The following MUCL1 variants were observed in gnomAD, a reference collection of about 807,000 sequenced individuals.
MUCL1 encodes the protein mucin like 1.
MUCL1 carries 11 observed loss-of-function variants against 9.2 expected under a neutral mutation model. The observed-to-expected ratio is 1.19, with a 90% confidence interval of 0.75 to 1.97. MUCL1 has a LOEUF of 1.97. Among genes scored for constraint, MUCL1 ranks in the 30% most tolerant of loss-of-function variants. MUCL1 has a pLI of 0.00. For synonymous variants in MUCL1, 48 were observed against 40.5 expected, an observed-to-expected ratio of 1.19 and a Z score of -0.71; for missense variants, 144 against 110.9, an observed-to-expected ratio of 1.30 and a Z score of -1.34.
At chr12:54,836,814 T>A (rs1170674658), upstream of MUCL1, among the ~76,000 whole-genome samples, 1 of 152,198 alleles carries the variant, frequency 6.6e-6, no homozygotes, top group African/African-American at 2.4e-5. Context: ...AATTTTTGAA[T>A]TTTCATCTTG....
chr12:54,855,029 T>C, intron 1 of MUCL1, 87 bp from the exon 2 acceptor site: 1 of 1,123,372 alleles, frequency 8.9e-7, no homozygotes, highest in Non-Finnish European at 1.3e-6. Flanking sequence ...CATTGTAAAG[T>C]CTGGAATATT....
At chr12:54,839,004 T>C (rs1363048788), upstream of MUCL1, among the ~76,000 whole-genome samples, 3 of 152,192 alleles carry the variant, frequency 2.0e-5, no homozygotes, top group African/African-American at 7.2e-5. Context: ...CACTGTTTTG[T>C]CATATTGCCA....
At chr12:54,838,019 T>C (rs560675520), upstream of MUCL1, among the ~76,000 whole-genome samples, 70 of 152,364 alleles carry the variant, frequency 4.6e-4, no homozygotes, top group East Asian at 5.8e-4. Flanking sequence ...ATTATTGTTT[T>C]ATAGGCTCTG....
At chr12:54,843,891 T>C (rs541815343) in intron 1 of MUCL1, among the ~76,000 whole-genome samples, 17 of 152,326 alleles carry the variant, frequency 1.1e-4, no homozygotes, top group Non-Finnish European at 1.9e-4. Context: ...GGTAATTTGT[T>C]ATGCAGAAAT....
chr12:54,852,848 T>G (rs1868265606), upstream of MUCL1, among the ~76,000 whole-genome samples: 1 of 152,040 alleles, frequency 6.6e-6, no homozygotes, highest in Admixed American at 6.5e-5. Context: ...CTTCTTTATC[T>G]CTTTTAAATA....
upstream of MUCL1, among the ~76,000 whole-genome samples, chr12:54,838,840 A>C (rs7958024): frequency 0.52 from 79,186 of 151,408 alleles, 21,117 homozygotes; most frequent in East Asian, 0.86. Context: ...TTGTTTTTTA[A>C]ATTTCTTTAT....
At chr12:54,857,483 C>T (rs180750270) in intron 3 of MUCL1, among the ~76,000 whole-genome samples, 9 of 152,114 alleles carry the variant, frequency 5.9e-5, no homozygotes, top group East Asian at 5.8e-4. Context: ...TTTTTCTTGA[C>T]CTTTAACTTT....
upstream of MUCL1, among the ~76,000 whole-genome samples, chr12:54,836,441 T>C (rs1640365451): frequency 6.6e-6 from 1 of 152,190 alleles, no homozygotes; most frequent in African/African-American, 2.4e-5. Context: ...TTGTAATGTC[T>C]CAATTTTCAT....
chr12:54,850,520 T>A (rs1049841126), upstream of MUCL1, among the ~76,000 whole-genome samples: 3 of 152,154 alleles, frequency 2.0e-5, no homozygotes, highest in Non-Finnish European at 2.9e-5. Context: ...TAGTATTCCA[T>A]GGTGTATATG....
intron 1 of MUCL1, among the ~76,000 whole-genome samples, chr12:54,842,638 C>A (rs1361712296): frequency 6.6e-6 from 1 of 152,144 alleles, no homozygotes; most frequent in East Asian, 1.9e-4. Context: ...TCCTGTCTAA[C>A]TGAAACTTTG....
rs1326754904 is a variant in MUCL1, at chr12:54,854,621, C to T, written c.39C>T (p.Ser13=). The T allele has an allele frequency of 6.2e-7, 1 of 1,613,414 alleles. No individual in the cohort carries two copies. The highest frequency in any genetic ancestry group is 1.7e-5 in the Admixed American group (1 of 59,926). Residue 13 remains serine (S), a synonymous_variant, in exon 1 of 4, where the codon TCC becomes TCT. Coordinates refer to ENST00000308796, the MANE Select transcript of MUCL1 (RefSeq NM_058173.3). The stretch of plus-strand genomic sequence containing the variant: ...CAGTCCTGGTACTCTTGGGAGTTTC[C>T]ATCTTTCTGGTCTCTGCCCGTAAGT... ...FLAVLVLLGV[S]IFLVSAQNPT...
At chr12:54,835,075 A>G (rs1959190665), upstream of MUCL1, among the ~76,000 whole-genome samples, 1 of 152,160 alleles carries the variant, frequency 6.6e-6, no homozygotes, top group African/African-American at 2.4e-5. Context: ...GTTGCTGCAA[A>G]AAACACTATT....
chr12:54,854,447 G>T, upstream of MUCL1: 1 of 642,276 alleles, frequency 1.6e-6, no homozygotes, highest in South Asian at 2.1e-5. Flanking sequence ...ACCTAACCTG[G>T]ATTCTGGTTG....
chr12:54,848,299 T>A lies in MUCL1; in HGVS notation c.44-6817T>A, dbSNP rs531904687. Among the ~76,000 whole-genome samples the A allele has an allele frequency of 9.2e-4, 140 of 152,216 alleles. 1 individual carries two copies. The highest frequency in any genetic ancestry group is 3.3e-3 in the African/African-American group (136 of 41,532). ...GTCTCCCTTTGTGATATGCTCTACA[T>A]TAGAGTGTGCAGTAATGATTAGGGC... On this transcript the variant is annotated intron_variant, in intron 1 of 3. Coordinates refer to the MUCL1 transcript ENST00000546809.
At chr12:54,850,984 T>C (rs1959329988), upstream of MUCL1, among the ~76,000 whole-genome samples, 1 of 152,232 alleles carries the variant, frequency 6.6e-6, no homozygotes, top group Admixed American at 6.5e-5. Flanking sequence ...GTTCATATCC[T>C]TTACCCACTT....
At chr12:54,852,703 C>A (rs991938485), upstream of MUCL1, among the ~76,000 whole-genome samples, 2 of 152,090 alleles carry the variant, frequency 1.3e-5, no homozygotes, top group Non-Finnish European at 2.9e-5. Context: ...ACACAGTGGG[C>A]TCTCAATAAG....
In MUCL1 at chr12:54,848,126, G is replaced by T. The variant is rs371700148; in HGVS notation, c.44-6990G>T. 9.0e-4 allele frequency among the ~76,000 whole-genome samples: 135 copies of T among 149,296 alleles called. 4 individuals carry two copies. The highest frequency in any genetic ancestry group is 2.3e-3 in the Admixed American group (34 of 14,882). ...TGAAACTCAGCTGTGTGCCCTTGAT[G>T]ATCCCAGGCCACAGCTGCTGCAGGT... On this transcript the variant is annotated intron_variant, in intron 1 of 3. Coordinates refer to the MUCL1 transcript ENST00000546809.
upstream of MUCL1, among the ~76,000 whole-genome samples, chr12:54,834,625 C>G (rs1959189840): frequency 6.6e-6 from 1 of 151,882 alleles, no homozygotes; most frequent in Non-Finnish European, 1.5e-5. Flanking sequence ...TACTTAAAAT[C>G]CACTCTCTTA....
At chr12:54,852,600 G>C (rs1054681469), upstream of MUCL1, among the ~76,000 whole-genome samples, 2 of 152,074 alleles carry the variant, frequency 1.3e-5, no homozygotes, top group African/African-American at 2.4e-5. Flanking sequence ...TCTCTTAAGG[G>C]GACCCTAACT....
Sources: allele counts gnomAD v4.1 joint callset (sites outside exome capture counted in the v4.1 genomes callset), GRCh38; gene constraint gnomAD v4.1.1; transcripts MANE v1.5; gene names NCBI Gene and HGNC (gene_info 2026-07-23, HGNC 2026-07-21).